TMTC1: variants seen among roughly 807,000 people sequenced by gnomAD.
The protein encoded by TMTC1 is protein O-mannosyl-transferase TMTC1.
A neutral mutation model predicts 104.8 loss-of-function variants in TMTC1; 73 were observed. The ratio of observed to expected loss-of-function variants is 0.70; its 90% CI spans 0.58 to 0.85. The LOEUF is 0.85. Among genes scored for constraint, TMTC1 ranks in the 40% least tolerant of loss-of-function variants. TMTC1 has a pLI of 0.00. For synonymous variants in TMTC1, 434 were observed against 428.7 expected (o/e 1.01, Z -0.15); for missense variants, 1,035 against 1,096.1 (o/e 0.94, Z 0.79).
At chr12:29,715,426 T>A (rs1942048830) in intron 5 of TMTC1, among the ~76,000 whole-genome samples, 1 of 152,226 alleles carries the variant, frequency 6.6e-6, no homozygotes, top group East Asian at 1.9e-4. Context: ...ATAGTTAGCA[T>A]TTAATACATA....
intron 11 of TMTC1, among the ~76,000 whole-genome samples, chr12:29,528,816 G>A (rs913624694): frequency 1.3e-5 from 2 of 151,962 alleles, no homozygotes; most frequent in Admixed American, 6.6e-5. Flanking sequence ...TACTACATTG[G>A]AAAAGAAGCT....
chr12:29,526,164 T>C (rs1944337740), intron 11 of TMTC1, among the ~76,000 whole-genome samples: 1 of 152,210 alleles, frequency 6.6e-6, no homozygotes, highest in Non-Finnish European at 1.5e-5. Flanking sequence ...CAATTTAGAA[T>C]AGTCACCATA....
At chr12:29,724,904 TA>T (rs1336366063) in intron 5 of TMTC1, among the ~76,000 whole-genome samples, 2 of 151,936 alleles carry the variant, frequency 1.3e-5, no homozygotes, top group Non-Finnish European at 2.9e-5. Context: ...ATAAATAGAT[TA>T]TACAAAAGTA....
Position 29,523,030 on chromosome 12 carries a change from T to C in TMTC1, c.1786-2310A>G, listed in dbSNP as rs193011127. Among the ~76,000 whole-genome samples, 561 of 152,302 alleles carry C rather than the reference T, an allele frequency of 3.7e-3. 5 individuals are homozygous for C. The highest frequency in any genetic ancestry group is 0.013 in the African/African-American group (528 of 41,564). Reference sequence around the variant, plus strand: ...AGGTTTTCAGTGGGCCAATGGGGAATTGGGGAGCCCTGAATAAAAGCAGTA... The same window carrying C: ...AGGTTTTCAGTGGGCCAATGGGGAACTGGGGAGCCCTGAATAAAAGCAGTA... On this transcript the variant is annotated intron_variant, in intron 11 of 17. Coordinates refer to ENST00000539277, the MANE Select transcript of TMTC1 (RefSeq NM_001193451.2).
At chr12:29,736,528 T>C (rs2136930446) in intron 5 of TMTC1, among the ~76,000 whole-genome samples, 1 of 152,218 alleles carries the variant, frequency 6.6e-6, no homozygotes, top group Admixed American at 6.5e-5. Flanking sequence ...CAAGTGATTC[T>C]CCTGCCTCAG....
chr12:29,549,945 G>T (rs998089739), intron 10 of TMTC1, among the ~76,000 whole-genome samples: 1 of 152,154 alleles, frequency 6.6e-6, no homozygotes, highest in South Asian at 2.1e-4. Flanking sequence ...TTGGATGACA[G>T]TCTAGAGTCC....
At chr12:29,590,657 C>T (rs866078749) in intron 7 of TMTC1, among the ~76,000 whole-genome samples, 6 of 152,070 alleles carry the variant, frequency 3.9e-5, no homozygotes, top group African/African-American at 9.7e-5. Flanking sequence ...TGGTGGTGCA[C>T]GCCTGAAATC....
At chr12:29,643,870 T>A (rs1424504699) in intron 5 of TMTC1, among the ~76,000 whole-genome samples, 1 of 66,504 alleles carries the variant, frequency 1.5e-5, no homozygotes, top group Admixed American at 2.3e-4. Flanking sequence ...TATATATTTT[T>A]ATATATAAAT....
At chr12:29,614,780 T>C (rs1946935214) in intron 6 of TMTC1, among the ~76,000 whole-genome samples, 1 of 152,212 alleles carries the variant, frequency 6.6e-6, no homozygotes, top group Non-Finnish European at 1.5e-5. Context: ...TAGTTGGGAG[T>C]TATATTTTTC....
At chr12:29,736,423 C>T (rs1228404470) in intron 5 of TMTC1, among the ~76,000 whole-genome samples, 1 of 152,042 alleles carries the variant, frequency 6.6e-6, no homozygotes, top group Non-Finnish European at 1.5e-5. Context: ...AATTCTCTCT[C>T]TCTCTCTTTT....
At chr12:29,736,195 A>G (rs369009381) in intron 5 of TMTC1, among the ~76,000 whole-genome samples, 13 of 149,984 alleles carry the variant, frequency 8.7e-5, no homozygotes, top group African/African-American at 3.2e-4. Context: ...AGCAAAGGCA[A>G]TGGGACCAAA....
intron 5 of TMTC1, among the ~76,000 whole-genome samples, chr12:29,697,927 T>C (rs1206097022): frequency 6.6e-6 from 1 of 152,208 alleles, no homozygotes; most frequent in African/African-American, 2.4e-5. Context: ...AGAATAATTT[T>C]TGACCAAATA....
chr12:29,517,716 G>C, intron 13 of TMTC1, 145 bp from the exon 14 acceptor site: 1 of 978,032 alleles, frequency 1.0e-6, no homozygotes, highest in Non-Finnish European at 1.5e-6. Context: ...CAAGGTTTTT[G>C]GCTTTTTCTT....
intron 5 of TMTC1, among the ~76,000 whole-genome samples, chr12:29,644,052 A>C (rs1420248052): frequency 2.8e-4 from 10 of 35,950 alleles, no homozygotes; most frequent in African/African-American, 7.4e-4. Flanking sequence ...ATTTATATAT[A>C]AATATAAATA....
intron 2 of TMTC1, among the ~76,000 whole-genome samples, 154 bp downstream of exon 2, chr12:29,767,743 AG>A (rs940691702): frequency 5.3e-4 from 80 of 152,364 alleles, no homozygotes; most frequent in African/African-American, 1.9e-3. Context: ...AAAGGAAAAA[AG>A]ATCAGCTTAG....
chr12:29,517,957 C>T (rs190024201), intron 13 of TMTC1, among the ~76,000 whole-genome samples: 84 of 152,188 alleles, frequency 5.5e-4, no homozygotes, highest in Non-Finnish European at 6.8e-4. Flanking sequence ...TCAGGTGATT[C>T]GACCATCTTG....
intron 5 of TMTC1, among the ~76,000 whole-genome samples, chr12:29,664,367 C>G (rs12309911): frequency 0.011 from 1,668 of 152,016 alleles, 26 homozygotes; most frequent in African/African-American, 0.037. Flanking sequence ...AGAAAGTAAC[C>G]CAAAATAACA....
chr12:29,639,048 C>T (rs1271197328), intron 5 of TMTC1, among the ~76,000 whole-genome samples: 1 of 152,210 alleles, frequency 6.6e-6, no homozygotes, highest in African/African-American at 2.4e-5. Context: ...CCTGCACTAC[C>T]CTCCTCAATA....
chr12:29,577,839 T>C (rs1945866298), intron 8 of TMTC1, among the ~76,000 whole-genome samples: 1 of 152,164 alleles, frequency 6.6e-6, no homozygotes, highest in Non-Finnish European at 1.5e-5. Context: ...AGGATTTTAA[T>C]ATAATTTTTC....
Sources: gnomAD v4.1 joint callset for allele counts (sites outside exome capture counted in the v4.1 genomes callset) on GRCh38, gnomAD v4.1.1 for gene constraint, MANE v1.5 for transcripts, NCBI Gene and HGNC (gene_info 2026-07-23, HGNC 2026-07-21) for gene names.